The following NDUFAF6 variants were observed in gnomAD, a reference collection of about 807,000 sequenced individuals.
NDUFAF6 encodes NADH:ubiquinone oxidoreductase complex assembly factor 6.
NDUFAF6 carries 45 observed loss-of-function variants against 40.8 expected under a neutral mutation model. The observed-to-expected ratio is 1.10, with a 90% CI of 0.87 to 1.42. The LOEUF (loss-of-function observed/expected upper bound fraction) is 1.42, where lower values mean the gene tolerates loss of function less well. Ranked by LOEUF, NDUFAF6 falls within the 40% of genes most tolerant of loss-of-function variation. The pLI is 0.00. For synonymous variants in NDUFAF6, 185 were observed against 155.9 expected (o/e 1.19, Z -1.39); for missense variants, 435 against 418.5 (o/e 1.04, Z -0.34).
At chr8:94,966,033 G>T (rs763704362) in intron 1 of NDUFAF6, among the ~76,000 whole-genome samples, 1 of 152,160 alleles carries the variant, frequency 6.6e-6, no homozygotes, top group Non-Finnish European at 1.5e-5. Context: ...TGTAACCCAC[G>T]CTTTGCTCCC....
At chr8:94,935,089 C>T (rs1001470913) in intron 1 of NDUFAF6, among the ~76,000 whole-genome samples, 1 of 149,836 alleles carries the variant, frequency 6.7e-6, no homozygotes, top group African/African-American at 2.5e-5. Context: ...AAACAGGAAA[C>T]GGTAGGTAGG....
intron 4 of NDUFAF6, among the ~76,000 whole-genome samples, chr8:95,109,215 A>T (rs778799118): frequency 1.1e-4 from 16 of 152,264 alleles, no homozygotes; most frequent in Non-Finnish European, 1.5e-4. Context: ...CTTTAATATT[A>T]GTTAGTTGGG....
chr8:95,001,783 A>G (rs914610476), intron 2 of NDUFAF6, among the ~76,000 whole-genome samples: 5 of 151,956 alleles, frequency 3.3e-5, no homozygotes, highest in African/African-American at 1.2e-4. Flanking sequence ...CATGCATTGG[A>G]GGAAAAGATT....
Position 95,083,223 on chromosome 8 carries a change from G to C in NDUFAF6, n.213+7471G>C, listed in dbSNP as rs73262431. 5.9e-3 allele frequency among the ~76,000 whole-genome samples: 886 copies of C among 151,262 alleles called. 11 individuals carry two copies. The highest frequency in any genetic ancestry group is 0.021 in the African/African-American group (849 of 41,054). On this transcript the variant is annotated intron_variant and non_coding_transcript_variant, in intron 2 of 5. Transcript: ENST00000523184. ...CCCTAACAGCCAGCCTATTTTCCCAGCTTCATGTAGTAGATAATTCTTCCT... is the reference window on the plus strand; with the variant it reads ...CCCTAACAGCCAGCCTATTTTCCCACCTTCATGTAGTAGATAATTCTTCCT...
At chr8:95,077,203 C>G (rs1808658824), downstream of NDUFAF6, among the ~76,000 whole-genome samples, 1 of 152,122 alleles carries the variant, frequency 6.6e-6, no homozygotes. Flanking sequence ...TTTAGACTAC[C>G]CAGCCTGTGG....
intron 2 of NDUFAF6, among the ~76,000 whole-genome samples, chr8:95,003,838 G>A (rs1479461395): frequency 4.6e-5 from 7 of 152,146 alleles, no homozygotes; most frequent in Non-Finnish European, 7.3e-5. Flanking sequence ...ACCATTTTAA[G>A]TGTGCAATTC....
chr8:95,108,313 T>C (rs754623057), downstream of NDUFAF6, among the ~76,000 whole-genome samples: 38 of 152,198 alleles, frequency 2.5e-4, no homozygotes, highest in Non-Finnish European at 5.1e-4. Flanking sequence ...CAAATATCTA[T>C]TGATTAATAA....
chr8:94,932,672 G>A (rs546529647), intron 1 of NDUFAF6, among the ~76,000 whole-genome samples: 1 of 152,056 alleles, frequency 6.6e-6, no homozygotes, highest in Non-Finnish European at 1.5e-5. Flanking sequence ...GTGCGGTGGC[G>A]GGCGCCTGTA....
chr8:95,051,223 T>C (rs1831390273), intron 7 of NDUFAF6, among the ~76,000 whole-genome samples: 1 of 152,162 alleles, frequency 6.6e-6, no homozygotes, highest in African/African-American at 2.4e-5. Context: ...GGCCCACTTC[T>C]GTTTACAAGG....
chr8:94,916,793 A>G (rs1819151059), intron 1 of NDUFAF6, among the ~76,000 whole-genome samples: 1 of 126,370 alleles, frequency 7.9e-6, no homozygotes, highest in Non-Finnish European at 1.6e-5. Context: ...AGCCTGGGTG[A>G]CAGACAGAGT....
In NDUFAF6 at chr8:95,071,161, T is replaced by C. The variant is rs375170729; in HGVS notation, c.*512-4472T>C. 4.1e-3 allele frequency among the ~76,000 whole-genome samples: 613 copies of C among 150,746 alleles called. 5 individuals carry two copies. The highest frequency in any genetic ancestry group is 0.014 in the African/African-American group (553 of 40,946). ...ATCCCAGCACTTTGGGAGGCTGAGG[T>C]GGGCGGATCACGAGGTCAGGAAATC... On this transcript the variant is annotated intron_variant and NMD_transcript_variant, in intron 9 of 9. Transcript: ENST00000520757.
chr8:94,953,002 G>C (rs1392289654), intron 2 of NDUFAF6, among the ~76,000 whole-genome samples: 1 of 152,184 alleles, frequency 6.6e-6, no homozygotes. Flanking sequence ...GTACTTTCAA[G>C]GCTTCTTAGT....
upstream of NDUFAF6, among the ~76,000 whole-genome samples, chr8:95,099,011 C>T (rs1809566971): frequency 6.6e-6 from 1 of 152,148 alleles, no homozygotes; most frequent in Middle Eastern, 3.4e-3. Flanking sequence ...GAGGCCGAGG[C>T]AGGCAGATCA....
rs552955272 is a variant in NDUFAF6 at position 94,942,082 on chromosome 8, G to C, written c.-935-3401G>C. 2.2e-3 allele frequency among the ~76,000 whole-genome samples: 336 copies of C among 151,798 alleles called. 1 individual carries two copies. The highest frequency in any genetic ancestry group is 7.4e-3 in the African/African-American group (306 of 41,404). On this transcript the variant is annotated intron_variant, in intron 1 of 14. Transcript: ENST00000396113. ...GAGTCTTTGTCTGTTGCCCAGGCTG[G>C]AGTGCATGCAGTGAGGCGATCTTGG... is the stretch of plus-strand genomic sequence containing the variant.
At chr8:95,110,712 G>A (rs1809976144) in intron 4 of NDUFAF6, among the ~76,000 whole-genome samples, 1 of 152,194 alleles carries the variant, frequency 6.6e-6, no homozygotes, top group Admixed American at 6.5e-5. Context: ...CTCTGTAACT[G>A]TTAAATTGAT....
At chr8:94,905,944 C>G (rs1444113001) in intron 1 of NDUFAF6, among the ~76,000 whole-genome samples, 1 of 152,210 alleles carries the variant, frequency 6.6e-6, no homozygotes, top group Non-Finnish European at 1.5e-5. Context: ...ACCGAAGATA[C>G]AGTTTGTAGG....
At chr8:95,010,950 G>T (rs1290440821) in intron 2 of NDUFAF6, among the ~76,000 whole-genome samples, 1 of 152,246 alleles carries the variant, frequency 6.6e-6, no homozygotes, top group African/African-American at 2.4e-5. Context: ...AAAGCCAGGG[G>T]AGCCGTGAGC....
intron 1 of NDUFAF6, among the ~76,000 whole-genome samples, chr8:94,935,007 G>T (rs1820814599): frequency 1.3e-5 from 2 of 152,062 alleles, no homozygotes; most frequent in South Asian, 4.1e-4. Flanking sequence ...ACAATATTGA[G>T]ACTTGAGAGT....
At chr8:94,979,682 G>C (rs1377115526) in intron 1 of NDUFAF6, among the ~76,000 whole-genome samples, 3 of 152,122 alleles carry the variant, frequency 2.0e-5, no homozygotes, top group African/African-American at 4.8e-5. Flanking sequence ...TAAAGCCTAT[G>C]TAATAACCTT....
Sources: gnomAD v4.1 joint callset for allele counts (sites outside exome capture counted in the v4.1 genomes callset) on GRCh38, gnomAD v4.1.1 for gene constraint, MANE v1.5 for transcripts, NCBI Gene and HGNC (gene_info 2026-07-23, HGNC 2026-07-21) for gene names.